The following PRKN variants were observed in gnomAD, a reference collection of about 807,000 sequenced individuals.
PRKN encodes the protein E3 ubiquitin-protein ligase parkin.
In PRKN, 56 loss-of-function variants were observed where a neutral mutation model predicts 59.5. The ratio of observed to expected loss-of-function variants is 0.94; its 90% CI spans 0.76 to 1.18. The LOEUF (loss-of-function observed/expected upper bound fraction) is 1.18, where lower values mean the gene tolerates loss of function less well. Among genes scored for constraint, PRKN ranks in the 50% most tolerant of loss-of-function variants. The pLI is 0.00. For synonymous variants in PRKN, 250 were observed against 222.1 expected (o/e 1.13, Z -1.12); for missense variants, 657 against 596.4 (o/e 1.10, Z -1.06).
At chr6:161,493,429 T>G (rs1294043077) in intron 9 of PRKN, among the ~76,000 whole-genome samples, 1 of 152,204 alleles carries the variant, frequency 6.6e-6, no homozygotes, top group East Asian at 1.9e-4. Flanking sequence ...GGGCTGAGAT[T>G]TGAACTCAGA....
rs531596022 is a variant in PRKN at position 161,619,089 on chromosome 6, G to A, written c.872-49673C>T. ...AGCCTGAAGTGGTTCTGAATCCGCC[G>A]GGTCTGAAAGGTCATTTTGTTAATC... is the stretch of plus-strand genomic sequence containing the variant. On this transcript the variant is annotated intron_variant, in intron 7 of 11. Coordinates refer to ENST00000366898, the MANE Select transcript of PRKN (RefSeq NM_004562.3). Among the ~76,000 whole-genome samples, 4 of 152,162 alleles carry A rather than the reference G, an allele frequency of 2.6e-5. No homozygotes were observed. The South Asian group carries it at 8.3e-4, about 32-fold the overall frequency.
At chr6:162,396,739 C>T (rs1285406667) in intron 2 of PRKN, among the ~76,000 whole-genome samples, 2 of 152,106 alleles carry the variant, frequency 1.3e-5, no homozygotes, top group African/African-American at 4.8e-5. Flanking sequence ...ATTAATCACC[C>T]TCCCATATGC....
At chr6:161,632,325 C>T (rs972905703) in intron 7 of PRKN, among the ~76,000 whole-genome samples, 1 of 152,088 alleles carries the variant, frequency 6.6e-6, no homozygotes, top group African/African-American at 2.4e-5. Context: ...AAAAAAAACC[C>T]CATAAATGGC....
intron 2 of PRKN, among the ~76,000 whole-genome samples, chr6:162,419,229 G>A (rs910395597): frequency 1.8e-4 from 28 of 152,130 alleles, no homozygotes; most frequent in Non-Finnish European, 3.7e-4. Flanking sequence ...GAATAAAAAT[G>A]TCAGGGGACC....
chr6:161,879,514 C>T (rs1326923373), intron 6 of PRKN, among the ~76,000 whole-genome samples: 1 of 151,844 alleles, frequency 6.6e-6, no homozygotes, highest in African/African-American at 2.4e-5. Context: ...CACCAGCTAA[C>T]TTTTTGTATT....
At chr6:162,650,027 C>G (rs546279014) in intron 1 of PRKN, among the ~76,000 whole-genome samples, 1 of 152,256 alleles carries the variant, frequency 6.6e-6, no homozygotes, top group South Asian at 2.1e-4. Context: ...TAATTTAGAG[C>G]ACGGACATAC....
chr6:161,771,371 ATAAAATAAAATAAAAT>A lies in PRKN; in HGVS notation c.871+14385_871+14400del, dbSNP rs1370558670. ...ACTCCACCTCAAAAAAAAAAAAAAA[ATAAAATAAAATAAAAT>A]AAAATAAAATAAAAGCACTGCTGTG... On this transcript the variant is annotated intron_variant, in intron 7 of 11. Coordinates refer to ENST00000366898, the MANE Select transcript of PRKN (RefSeq NM_004562.3). 6.9e-5 allele frequency among the ~76,000 whole-genome samples: 9 copies of A among 130,026 alleles called. 1 individual carries two copies. Among genetic ancestry groups the A allele is most frequent in the Admixed American group, 4.8e-4 (6 of 12,490 alleles). 85.3% of individuals were successfully genotyped at this position (130,026 alleles called of 152,430 possible).
rs767963623 is a variant in PRKN at position 161,349,287 on chromosome 6, T to C, written c.*812A>G. 1 of 226,728 alleles carries C rather than the reference T, an allele frequency of 4.4e-6. No homozygotes were observed. The highest frequency in any genetic ancestry group is 8.8e-6 in the Non-Finnish European group (1 of 114,058). 14.0% of individuals were successfully genotyped at this position (226,728 alleles called of 1,614,324 possible). A position where few individuals can be genotyped will look rare whatever the true frequency, so the allele number is the denominator to read the frequency against. ...AAAATGAATACTCAGAATCAAACTA[T>C]AGATTTTTTGGTGATACTTTCAGAA... On this transcript the variant is annotated 3_prime_UTR_variant, in exon 12 of 12. Coordinates refer to ENST00000366898, the MANE Select transcript of PRKN (RefSeq NM_004562.3). The surrounding 1 kb of genome is among the most constrained non-coding windows in gnomAD (Gnocchi z 5.5).
rs71004055 is a variant in PRKN at position 161,581,041 on chromosome 6, AACAC to A, written c.872-11629_872-11626del. ...ACACAGTGAAATCCTGTCTCTACTAAACACACACACACACACACACACACACACA... is the reference window on the plus strand; with the variant it reads ...ACACAGTGAAATCCTGTCTCTACTAAACACACACACACACACACACACACA... On this transcript the variant is annotated intron_variant, in intron 7 of 11. Transcript: ENST00000366898. The surrounding 1 kb of genome is among the most constrained non-coding windows in gnomAD (Gnocchi z 4.5). 0.017 allele frequency among the ~76,000 whole-genome samples: 2,326 copies of A among 137,592 alleles called. 56 individuals are homozygous for A. The highest frequency in any genetic ancestry group is 0.06 in the African/African-American group (2,164 of 35,954). The allele number at this position is 137,592 out of a possible 152,430, so 90.3% of individuals were successfully genotyped here.
At chr6:162,691,470 T>C (rs1777772262) in intron 1 of PRKN, among the ~76,000 whole-genome samples, 1 of 152,106 alleles carries the variant, frequency 6.6e-6, no homozygotes, top group African/African-American at 2.4e-5. Flanking sequence ...CATCAAGATT[T>C]CAAAATAATA....
At chr6:162,667,026 A>T (rs1478785776) in intron 1 of PRKN, among the ~76,000 whole-genome samples, 1 of 152,126 alleles carries the variant, frequency 6.6e-6, no homozygotes, top group Non-Finnish European at 1.5e-5. Context: ...GCTAAACTCT[A>T]ATTACTTACA....
At chr6:162,237,994 A>T (rs1778812877) in intron 3 of PRKN, among the ~76,000 whole-genome samples, 1 of 152,172 alleles carries the variant, frequency 6.6e-6, no homozygotes, top group Non-Finnish European at 1.5e-5. Context: ...CATGAGGAAG[A>T]AATAGGAAAC....
At chr6:162,235,376 C>T (rs947779233) in intron 3 of PRKN, among the ~76,000 whole-genome samples, 15 of 152,112 alleles carry the variant, frequency 9.9e-5, no homozygotes, top group Non-Finnish European at 1.9e-4. Context: ...ATGAGTCTTA[C>T]GACATGCCTC....
In PRKN at chr6:162,443,473, A is replaced by T; in HGVS notation, c.8T>A (p.Val3Glu). The T allele has an allele frequency of 6.2e-7, 1 of 1,613,910 alleles. No individual in the cohort carries two copies. Among genetic ancestry groups the T allele is most frequent in the East Asian group, 2.2e-5 (1 of 44,880 alleles). ...ATGGCTGGAGTTGAACCTGACAAACACTGACCAAGGAAATTGGAAGGGAGA... is the reference window on the plus strand; with the variant it reads ...ATGGCTGGAGTTGAACCTGACAAACTCTGACCAAGGAAATTGGAAGGGAGA... MI[V>E]FVRFNSSHGF... Residue 3 changes from valine to glutamate, a missense_variant and splice_region_variant, in exon 2 of 12, where the codon GTG becomes GAG. Val to Glu is a moderately radical substitution (Grantham distance 121). Coordinates refer to ENST00000366898, the MANE Select transcript of PRKN (RefSeq NM_004562.3).
rs577249872 is a variant in PRKN at position 162,535,707 on chromosome 6, G to C, written c.8-92234C>G. Among the ~76,000 whole-genome samples the C allele has an allele frequency of 3.9e-5, 6 of 152,066 alleles. No individual in the cohort carries two copies. The East Asian group carries it at 1.2e-3, about 30-fold the overall frequency. On this transcript the variant is annotated intron_variant, in intron 1 of 11. Transcript: ENST00000366898. ...GCAGATCTCTTGAGCTCAGGAGTTT[G>C]AGACCAGCCTGGCAACATGGAGAAA...
At chr6:161,780,629 T>C (rs1350920969) in intron 7 of PRKN, among the ~76,000 whole-genome samples, 3 of 152,158 alleles carry the variant, frequency 2.0e-5, no homozygotes, top group Non-Finnish European at 4.4e-5. Flanking sequence ...AAAGAAACTA[T>C]TAATTAAAGA....
At position 162,456,238 on chromosome 6, in the gene PRKN, T is replaced by C. The variant is rs773898527; in HGVS notation, c.8-12765A>G. On this transcript the variant is annotated intron_variant, in intron 1 of 11. Transcript: ENST00000366898. ...AGAACAAAATGATGCTGAATCCATT[T>C]CATTCCAGCAATAAGTAAGATTCAT... is the stretch of plus-strand genomic sequence containing the variant. 8.5e-5 allele frequency among the ~76,000 whole-genome samples: 13 copies of C among 152,324 alleles called. No homozygotes were observed. The South Asian group carries it at 1.9e-3, about 22-fold the overall frequency.
intron 6 of PRKN, among the ~76,000 whole-genome samples, chr6:161,925,819 T>A (rs1441945086): frequency 6.6e-6 from 1 of 152,086 alleles, no homozygotes; most frequent in Non-Finnish European, 1.5e-5. Context: ...ATGGAAGACA[T>A]CCTCCTTCTT....
chr6:161,719,633 T>C (rs938824244), intron 7 of PRKN, among the ~76,000 whole-genome samples: 1 of 152,234 alleles, frequency 6.6e-6, no homozygotes, highest in Admixed American at 6.5e-5. Flanking sequence ...TCATAGGGTG[T>C]CCCTCTTATA....
Sources: gnomAD v4.1 joint callset for allele counts (sites outside exome capture counted in the v4.1 genomes callset) on GRCh38, gnomAD v4.1.1 for gene constraint, Gnocchi (gnomAD v3.1) non-coding constraint, MANE v1.5 for transcripts, NCBI Gene and HGNC (gene_info 2026-07-23, HGNC 2026-07-21) for gene names.